SDAD1: variants seen among roughly 807,000 people sequenced by gnomAD.
The protein encoded by SDAD1 is protein SDA1 homolog.
A neutral mutation model predicts 100.3 loss-of-function variants in SDAD1; 79 were observed. The observed-to-expected ratio is 0.79, with a 90% confidence interval of 0.66 to 0.95. The LOEUF (loss-of-function observed/expected upper bound fraction) is 0.95, where lower values mean the gene tolerates loss of function less well. Among genes scored for constraint, SDAD1 ranks in the 40% least tolerant of loss-of-function variants. The pLI is 0.00. For synonymous variants in SDAD1, 267 were observed against 271.4 expected (o/e 0.98, Z 0.16); for missense variants, 790 against 810.9 (o/e 0.97, Z 0.31).
chr4:75,990,733 T>C lies in SDAD1; in HGVS notation c.90+19A>G, dbSNP rs1731215947. ...CATCCACTATCCGGCCTCTAGCGTC[T>C]GCCGCGCCGCACTCCCACCTCCTCG... On this transcript the variant is annotated intron_variant, in intron 1 of 21. Transcript: ENST00000356260. 2 of 1,613,790 alleles carry C rather than the reference T, an allele frequency of 1.2e-6. No homozygotes were observed. The highest frequency in any genetic ancestry group is 1.7e-6 in the Non-Finnish European group (2 of 1,179,990).
chr4:75,959,743 A>AC (rs2149311326), intron 17 of SDAD1, among the ~76,000 whole-genome samples: 1 of 152,224 alleles, frequency 6.6e-6, no homozygotes, highest in East Asian at 1.9e-4. Flanking sequence ...ATTTTGGGGG[A>AC]TTCCTCTAAG....
intron 12 of SDAD1, among the ~76,000 whole-genome samples, chr4:75,966,223 C>T (rs751363942): frequency 1.1e-4 from 17 of 149,750 alleles, no homozygotes; most frequent in Middle Eastern, 3.2e-3. Context: ...TAATGCAGTG[C>T]CTGGCATAAA....
chr4:75,973,387 A>G lies in SDAD1; in HGVS notation c.641T>C (p.Leu214Ser). 2 of 1,612,652 alleles carry G rather than the reference A, an allele frequency of 1.2e-6. No individual in the cohort carries two copies. Among genetic ancestry groups the G allele is most frequent in the South Asian group, 1.1e-5 (1 of 91,030 alleles). ...AAGAAAGAATGTCAAAGCGGCAACT[A>G]ATATCTAAACACCAATGAGAAAAAA... ...TACFSKVTKI[L>S]VAALTFFLGK... Residue 214 changes from leucine (L) to serine (S), a missense_variant, in exon 8 of 22, where the codon TTA becomes TCA. Physicochemically the swap from Leu to Ser is moderately radical, Grantham distance 145. Coordinates refer to ENST00000356260, the MANE Select transcript of SDAD1 (RefSeq NM_018115.4).
chr4:75,960,674 T>TC (rs1055531051), intron 16 of SDAD1, among the ~76,000 whole-genome samples: 5 of 152,170 alleles, frequency 3.3e-5, no homozygotes, highest in African/African-American at 1.2e-4. Flanking sequence ...CATGCATCCC[T>TC]CCTCCCTTCC....
At chr4:75,965,883 C>T in intron 12 of SDAD1, 61 bp from the exon 13 acceptor site, 2 of 1,377,276 alleles carry the variant, frequency 1.5e-6, no homozygotes, top group South Asian at 1.2e-5. Flanking sequence ...CTGAGGACCA[C>T]AGCAAACATG....
At chr4:75,985,666 C>A (rs1730848121) in intron 1 of SDAD1, among the ~76,000 whole-genome samples, 1 of 152,110 alleles carries the variant, frequency 6.6e-6, no homozygotes, top group Non-Finnish European at 1.5e-5. Flanking sequence ...TACTCTGGCC[C>A]CTCATTACCC....
intron 13 of SDAD1, among the ~76,000 whole-genome samples, chr4:75,964,560 C>G (rs1729430119): frequency 6.6e-6 from 1 of 152,078 alleles, no homozygotes; most frequent in African/African-American, 2.4e-5. Context: ...AACTGAACTT[C>G]TGTGTAGATC....
chr4:75,975,558 T>C (rs548911871), intron 6 of SDAD1, among the ~76,000 whole-genome samples, 186 bp downstream of exon 6: 57 of 152,172 alleles, frequency 3.7e-4, no homozygotes, highest in African/African-American at 1.3e-3. Context: ...CCTCAGTAGC[T>C]GCTCAAGAAA....
intron 14 of SDAD1, among the ~76,000 whole-genome samples, chr4:75,962,777 A>C (rs1488599004): frequency 2.0e-5 from 3 of 152,178 alleles, no homozygotes; most frequent in East Asian, 3.9e-4. Flanking sequence ...AGGTCTTTGT[A>C]GATTCTGGAT....
At chr4:75,972,946 G>A (rs1386040194) in intron 8 of SDAD1, among the ~76,000 whole-genome samples, 4 of 151,860 alleles carry the variant, frequency 2.6e-5, no homozygotes, top group East Asian at 1.9e-4. Flanking sequence ...GCATGAACCC[G>A]GGAGGCAGAG....
rs1252332640 is a variant in SDAD1 at position 75,957,536 on chromosome 4, T to G, written c.1751A>C (p.Asp584Ala). 1 of 1,614,210 alleles carries G rather than the reference T, an allele frequency of 6.2e-7. No homozygotes were observed. Among genetic ancestry groups the G allele is most frequent in the Admixed American group, 1.7e-5 (1 of 60,026 alleles). ...KSQKRKYIEI[D>A]SDEEPRGELL... ...ATTTTACCTGGGCTCTTCATCACTG[T>G]CTATTTCAATGTATTTCCTCTTCTG... The change falls in exon 19 of 22, where the codon GAC becomes GCC. Residue 584 changes from aspartate to alanine, a missense_variant. Physicochemically the swap from Asp to Ala is moderately radical, Grantham distance 126. Transcript: ENST00000356260.
chr4:75,986,661 T>C (rs928499830), intron 1 of SDAD1, among the ~76,000 whole-genome samples: 8 of 152,220 alleles, frequency 5.3e-5, no homozygotes, highest in Non-Finnish European at 1.2e-4. Context: ...CAACAGGTTC[T>C]GCCCCATCAG....
rs1316015038 is a variant in SDAD1, at chr4:75,950,352, A to T, written c.*398T>A. On this transcript the variant is annotated 3_prime_UTR_variant, in exon 22 of 22. Transcript: ENST00000356260. The stretch of plus-strand genomic sequence containing the variant: ...CATAAGGCCTCAGTGACCTCACAGA[A>T]ATATGGAGTTAACCTCTACTACAGA... 1 of 162,048 alleles carries T rather than the reference A, an allele frequency of 6.2e-6. No individual in the cohort carries two copies. The highest frequency in any genetic ancestry group is 1.4e-5 in the Non-Finnish European group (1 of 73,710). The allele number at this position is 162,048 out of a possible 1,614,324, so 10.0% of individuals were successfully genotyped here. A position where few individuals can be genotyped will look rare whatever the true frequency, so the allele number is the denominator to read the frequency against.
intron 1 of SDAD1, among the ~76,000 whole-genome samples, chr4:75,987,588 G>A (rs1016049290): frequency 1.3e-5 from 2 of 151,882 alleles, no homozygotes; most frequent in Non-Finnish European, 2.9e-5. Flanking sequence ...TGCAACCTCC[G>A]CCTCCCAGGT....
chr4:75,977,819 C>G (rs932517395), intron 3 of SDAD1, 63 bp from the exon 4 acceptor site: 1 of 943,576 alleles, frequency 1.1e-6, no homozygotes, highest in East Asian at 2.4e-5. Flanking sequence ...GAAAATACAG[C>G]GTATATGTCC....
In SDAD1 at chr4:75,960,977, TCA is replaced by T. The variant is rs771247603; in HGVS notation, c.1356+49_1356+50del. On this transcript the variant is annotated intron_variant, in intron 16 of 21. Coordinates refer to ENST00000356260, the MANE Select transcript of SDAD1 (RefSeq NM_018115.4). The stretch of plus-strand genomic sequence containing the variant: ...AAATCCTAATTGTAGGAAATTTCTC[TCA>T]GTTTGTGAGACCATAACCTTTAGAC... 27 of 1,466,942 alleles carry T rather than the reference TCA, an allele frequency of 1.8e-5. No individual in the cohort carries two copies. In the South Asian group the frequency reaches 2.9e-4, roughly 16 times the overall value. The allele number at this position is 1,466,942 out of a possible 1,614,324, so 90.9% of individuals were successfully genotyped here.
Position 75,985,196 on chromosome 4 carries a change from C to G in SDAD1, c.91-3159G>C, listed in dbSNP as rs529428627. 5.9e-5 allele frequency among the ~76,000 whole-genome samples: 9 copies of G among 152,240 alleles called. No individual in the cohort carries two copies. In the East Asian group the frequency reaches 1.5e-3, roughly 26 times the overall value. ...TACACCCTTTATGTGCATCAGTCAC[C>G]ACAAGAGCCCAGTATTCCCTGGCCA... is the stretch of plus-strand genomic sequence containing the variant. On this transcript the variant is annotated intron_variant, in intron 1 of 21. Coordinates refer to ENST00000356260, the MANE Select transcript of SDAD1 (RefSeq NM_018115.4).
At position 75,957,925 on chromosome 4, in the gene SDAD1, G is replaced by A. The variant is rs2149309540; in HGVS notation, c.1500C>T (p.Thr500=). The change falls in exon 18 of 22, where the codon ACC becomes ACT. Residue 500 remains threonine (T), a synonymous_variant. Coordinates refer to ENST00000356260, the MANE Select transcript of SDAD1 (RefSeq NM_018115.4). ...AENDEDGWES[T]SLSEEEDADG... Reference sequence around the variant, plus strand: ...CAGCATCCTCCTCCTCACTGAGACTGGTACTTTCCCATCCATCTGCGTGAA... The same window carrying A: ...CAGCATCCTCCTCCTCACTGAGACTAGTACTTTCCCATCCATCTGCGTGAA... 1 of 1,612,716 alleles carries A rather than the reference G, an allele frequency of 6.2e-7. No homozygotes were observed. Among genetic ancestry groups the A allele is most frequent in the Non-Finnish European group, 8.5e-7 (1 of 1,179,974 alleles).
In SDAD1 at chr4:75,957,646, A is replaced by G; in HGVS notation, c.1641T>C (p.Thr547=). Residue 547 remains threonine, a synonymous_variant, in exon 19 of 22, where the codon ACT becomes ACC. Transcript: ENST00000356260. ...AGTCTTCCTGAGTTAAAACTCGGCT[A>G]GTGCTGATGGCTGCAGCTTTGGCCT... ...ERKAKAAAIS[T]SRVLTQEDFQ... is the part of the protein sequence containing the mutation. 6.2e-7 allele frequency: 1 copy of G among 1,614,182 alleles called. No individual in the cohort carries two copies. The highest frequency in any genetic ancestry group is 8.5e-7 in the Non-Finnish European group (1 of 1,180,022).
Sources: gnomAD v4.1 joint callset for allele counts (sites outside exome capture counted in the v4.1 genomes callset) on GRCh38, gnomAD v4.1.1 for gene constraint, MANE v1.5 for transcripts, NCBI Gene and HGNC (gene_info 2026-07-23, HGNC 2026-07-21) for gene names.